Variants in FHOD3 observed in about 807,000 individuals in gnomAD.
FHOD3 encodes formin homology 2 domain containing 3, also known as FH1/FH2 domain-containing protein 3.
In FHOD3, 90 loss-of-function variants were observed where a neutral mutation model predicts 173.0. That is an observed-to-expected ratio of 0.52 (90% confidence interval 0.44 to 0.62). FHOD3 has a LOEUF of 0.62. FHOD3 is among the 20% of genes least tolerant of loss of function. The pLI is 0.00. For missense variants in FHOD3, 1,945 were observed against 2,034.7 expected (o/e 0.96, Z 0.85); for synonymous variants, 828 against 823.0 (o/e 1.01, Z -0.10).
At chr18:36,508,145 G>A (rs149527806) in intron 4 of FHOD3, among the ~76,000 whole-genome samples, 294 of 152,216 alleles carry the variant, frequency 1.9e-3, no homozygotes, top group African/African-American at 6.9e-3. Flanking sequence ...GTGTGTGCGA[G>A]AGATTCTAAT....
intron 1 of FHOD3, among the ~76,000 whole-genome samples, chr18:36,355,323 C>T (rs546683777): frequency 1.7e-4 from 26 of 152,246 alleles, no homozygotes; most frequent in African/African-American, 5.8e-4. Context: ...AGGATGCTGT[C>T]GATGTCACTC....
chr18:36,759,191 A>G lies in FHOD3; in HGVS notation c.4449+50A>G, dbSNP rs183665404. ...AATGCCACATTTTACCACCTCATGTATGCTCTGGTCTAACCTAACATAATC... is the reference window on the plus strand; with the variant it reads ...AATGCCACATTTTACCACCTCATGTGTGCTCTGGTCTAACCTAACATAATC... On this transcript the variant is annotated intron_variant, in intron 26 of 28. Coordinates refer to ENST00000590592, the MANE Select transcript of FHOD3 (RefSeq NM_001281740.3). 23 of 1,509,390 alleles carry G rather than the reference A, an allele frequency of 1.5e-5. No individual in the cohort carries two copies. The East Asian group carries it at 3.4e-4, about 23-fold the overall frequency. 93.5% of individuals were successfully genotyped at this position (1,509,390 alleles called of 1,614,324 possible). A position where few individuals can be genotyped will look rare whatever the true frequency, so the allele number is the denominator to read the frequency against.
chr18:36,461,589 G>C (rs1247632181), intron 3 of FHOD3, among the ~76,000 whole-genome samples: 1 of 152,020 alleles, frequency 6.6e-6, no homozygotes, highest in Non-Finnish European at 1.5e-5. Flanking sequence ...ATCTCAGAGG[G>C]TTCAAAGATT....
In FHOD3 at chr18:36,602,781, T is replaced by C; in HGVS notation, c.813+13T>C. ...TTTGGTGAACAAGGTTGGTTGACTA[T>C]GTTATGGGTTGAATTGCGTCACCTA... On this transcript the variant is annotated intron_variant, in intron 8 of 28. Coordinates refer to ENST00000590592, the MANE Select transcript of FHOD3 (RefSeq NM_001281740.3). 6.3e-7 allele frequency: 1 copy of C among 1,596,018 alleles called. No homozygotes were observed. The highest frequency in any genetic ancestry group is 8.6e-7 in the Non-Finnish European group (1 of 1,163,450).
intron 3 of FHOD3, among the ~76,000 whole-genome samples, chr18:36,384,317 T>G (rs1402728781): frequency 6.6e-6 from 1 of 151,938 alleles, no homozygotes; most frequent in African/African-American, 2.4e-5. Context: ...GAGGCGGAGA[T>G]TCCAGTGAGC....
At chr18:36,647,493 A>G (rs1197228532) in intron 10 of FHOD3, among the ~76,000 whole-genome samples, 1 of 150,520 alleles carries the variant, frequency 6.6e-6, no homozygotes, top group East Asian at 1.9e-4. Flanking sequence ...ATGCTCATCT[A>G]CTACTTATGG....
chr18:36,738,356 G>A (rs376380845), intron 20 of FHOD3, among the ~76,000 whole-genome samples: 8 of 152,198 alleles, frequency 5.3e-5, no homozygotes, highest in Non-Finnish European at 8.8e-5. Context: ...GAATGGAATT[G>A]CTGGATCATA....
chr18:36,423,108 C>T (rs1006970228), intron 3 of FHOD3, among the ~76,000 whole-genome samples: 5 of 13,854 alleles, frequency 3.6e-4, no homozygotes, highest in Middle Eastern at 0.031. Flanking sequence ...CCCCGGCCCT[C>T]GATTCACACC....
intron 18 of FHOD3, among the ~76,000 whole-genome samples, chr18:36,713,658 TA>T (rs1438785386): frequency 7.9e-5 from 12 of 152,302 alleles, no homozygotes; most frequent in African/African-American, 2.9e-4. Context: ...TGAATGTTTG[TA>T]ACAAAAAGAA....
intron 3 of FHOD3, among the ~76,000 whole-genome samples, chr18:36,438,393 T>C (rs1012195128): frequency 1.3e-5 from 2 of 152,152 alleles, no homozygotes; most frequent in African/African-American, 4.8e-5. Context: ...GCATTCACCA[T>C]CAGTCGTTTA....
At chr18:36,402,632 A>G (rs1293491155) in intron 3 of FHOD3, among the ~76,000 whole-genome samples, 1 of 151,824 alleles carries the variant, frequency 6.6e-6, no homozygotes, top group East Asian at 1.9e-4. Flanking sequence ...CCATTTTTCC[A>G]CGACTTTAGT....
chr18:36,507,734 T>C (rs1460621597), intron 4 of FHOD3, among the ~76,000 whole-genome samples: 2 of 152,174 alleles, frequency 1.3e-5, no homozygotes, highest in East Asian at 3.8e-4. Context: ...AGTATCCACG[T>C]GTGTCTTCCT....
At chr18:36,726,731 G>A (rs1217256292) in intron 19 of FHOD3, among the ~76,000 whole-genome samples, 2 of 152,052 alleles carry the variant, frequency 1.3e-5, no homozygotes, top group Non-Finnish European at 2.9e-5. Flanking sequence ...CTGGAGTGCA[G>A]TGGCGTAAAC....
intron 5 of FHOD3, among the ~76,000 whole-genome samples, chr18:36,528,535 G>A (rs769522020): frequency 5.9e-5 from 9 of 152,214 alleles, no homozygotes; most frequent in Non-Finnish European, 1.0e-4. Flanking sequence ...CTTGTCCCTC[G>A]CTTCAAGGTG....
At chr18:36,694,978 TGTGTGTGTGTGTGTGTGTGC>T (rs1166828921) in intron 17 of FHOD3, among the ~76,000 whole-genome samples, 1 of 148,844 alleles carries the variant, frequency 6.7e-6, no homozygotes, top group Admixed American at 6.7e-5. Context: ...TATACGTGGG[TGTGTGTGTGTGTGTGTGTGC>T]GTGTGTGTGT....
chr18:36,455,228 G>A (rs1459437331), intron 3 of FHOD3, among the ~76,000 whole-genome samples: 1 of 152,146 alleles, frequency 6.6e-6, no homozygotes, highest in Non-Finnish European at 1.5e-5. Flanking sequence ...TTTCCACTCT[G>A]CAGATATCCT....
At chr18:36,730,513 C>T (rs1219036335) in intron 19 of FHOD3, 133 bp from the exon 20 acceptor site, 2 of 818,498 alleles carry the variant, frequency 2.4e-6, no homozygotes, top group Admixed American at 5.6e-5. Flanking sequence ...TGAACAGTAG[C>T]CAGTCCTTCT....
At chr18:36,714,637 T>C (rs1036405273) in intron 18 of FHOD3, among the ~76,000 whole-genome samples, 1 of 152,180 alleles carries the variant, frequency 6.6e-6, no homozygotes, top group African/African-American at 2.4e-5. Flanking sequence ...GGCTGTCTCT[T>C]AAGAAGGGCT....
rs56828091 is a variant in FHOD3 at position 36,695,001 on chromosome 18, G to GCA, written c.2236+1578_2236+1579insCA. 2.7e-5 allele frequency among the ~76,000 whole-genome samples: 4 copies of GCA among 149,664 alleles called. No individual in the cohort carries two copies. The East Asian group carries it at 5.9e-4, about 22-fold the overall frequency. ...GGTGTGTGTGTGTGTGTGTGTGCGT[G>GCA]TGTGTGTGTAGTATGCATTTGGGGA... is the stretch of plus-strand genomic sequence containing the variant. On this transcript the variant is annotated intron_variant, in intron 17 of 28. Transcript: ENST00000590592.
Sources: allele counts gnomAD v4.1 joint callset (sites outside exome capture counted in the v4.1 genomes callset), GRCh38; gene constraint gnomAD v4.1.1; transcripts MANE v1.5; gene names NCBI Gene and HGNC (gene_info 2026-07-23, HGNC 2026-07-21).